Variants in CDKL3 observed in about 807,000 individuals in gnomAD.
The protein encoded by CDKL3 is cyclin dependent kinase like 3.
A neutral mutation model predicts 69.3 loss-of-function variants in CDKL3; 65 were observed. The ratio of observed to expected loss-of-function variants is 0.94; its 90% CI spans 0.77 to 1.15. The LOEUF is 1.15. CDKL3 is among the 50% of genes most tolerant of loss of function. The pLI is 0.00. For synonymous variants in CDKL3, 202 were observed against 221.6 expected, an observed-to-expected ratio of 0.91 and a Z score of 0.79; for missense variants, 652 against 689.2, an observed-to-expected ratio of 0.95 and a Z score of 0.61.
At position 134,350,839 on chromosome 5, in the gene CDKL3, A is replaced by G. The variant is rs1753101132; in HGVS notation, c.361-412T>C. On this transcript the variant is annotated intron_variant, in intron 3 of 12. Transcript: ENST00000265334. ...TAAAAAAAGAAAAAAAAGAAAAAAAAAAAAAGAAAAAAAGAAAGAAAAAAG... is the reference window on the plus strand; with the variant it reads ...TAAAAAAAGAAAAAAAAGAAAAAAAGAAAAAGAAAAAAAGAAAGAAAAAAG... 2.7e-5 allele frequency among the ~76,000 whole-genome samples: 4 copies of G among 149,466 alleles called. No homozygotes were observed. The South Asian group carries it at 6.2e-4, about 23-fold the overall frequency.
rs184263670 is a variant in CDKL3 at position 134,319,808 on chromosome 5, A to G, written c.653-311T>C. Among the ~76,000 whole-genome samples the G allele has an allele frequency of 5.8e-3, 883 of 152,320 alleles. 3 individuals carry two copies. The highest frequency in any genetic ancestry group is 0.031 in the Middle Eastern group (9 of 294). On this transcript the variant is annotated intron_variant, in intron 5 of 12. Coordinates refer to ENST00000265334, the MANE Select transcript of CDKL3 (RefSeq NM_001113575.2). The stretch of plus-strand genomic sequence containing the variant: ...AAAATGCATATTCCAACTTTTACGC[A>G]TTTCCATATGGGTATCCAAATGATT...
chr5:134,359,637 T>C (rs1755514595), intron 3 of CDKL3, among the ~76,000 whole-genome samples: 2 of 152,148 alleles, frequency 1.3e-5, no homozygotes, highest in Admixed American at 1.3e-4. Context: ...TGACTACTGA[T>C]TCTACTAAAC....
chr5:134,357,108 A>G (rs1754795424), intron 3 of CDKL3, among the ~76,000 whole-genome samples: 2 of 152,112 alleles, frequency 1.3e-5, no homozygotes, highest in South Asian at 2.1e-4. Flanking sequence ...TGTATCCCCA[A>G]TATTATTTAG....
At chr5:134,368,356 C>T (rs760310664), upstream of CDKL3, among the ~76,000 whole-genome samples, 7 of 152,198 alleles carry the variant, frequency 4.6e-5, no homozygotes, top group Non-Finnish European at 8.8e-5. Flanking sequence ...CAGTGGCTAA[C>T]GCCTGTAATC....
At chr5:134,300,290 G>A (rs927314252) in intron 12 of CDKL3, among the ~76,000 whole-genome samples, 1 of 152,090 alleles carries the variant, frequency 6.6e-6, no homozygotes, top group Non-Finnish European at 1.5e-5. Flanking sequence ...AGTGAGCTAA[G>A]ATCACACCAC....
intron 4 of CDKL3, among the ~76,000 whole-genome samples, chr5:134,337,321 C>T (rs1246455294): frequency 3.3e-5 from 5 of 152,274 alleles, no homozygotes; most frequent in Admixed American, 2.0e-4. Context: ...GGTGAGGCGA[C>T]GCCCCTCCCT....
At chr5:134,368,238 C>T, upstream of CDKL3, among the ~76,000 whole-genome samples, 1 of 152,038 alleles carries the variant, frequency 6.6e-6, no homozygotes, top group East Asian at 1.9e-4. Flanking sequence ...CAAGTTTTTT[C>T]TATGCTGCTA....
At chr5:134,353,929 T>C (rs1753921809) in intron 3 of CDKL3, among the ~76,000 whole-genome samples, 1 of 152,158 alleles carries the variant, frequency 6.6e-6, no homozygotes, top group South Asian at 2.1e-4. Context: ...TGAAATGGCT[T>C]ATAAGGCCTT....
intron 7 of CDKL3, among the ~76,000 whole-genome samples, chr5:134,310,941 T>G (rs2149451575): frequency 6.6e-6 from 1 of 152,344 alleles, no homozygotes; most frequent in Non-Finnish European, 1.5e-5. Flanking sequence ...TGACCTTAGC[T>G]CCATCACATT....
At chr5:134,316,973 T>C (rs1255954267) in intron 6 of CDKL3, among the ~76,000 whole-genome samples, 1 of 152,134 alleles carries the variant, frequency 6.6e-6, no homozygotes, top group Non-Finnish European at 1.5e-5. Flanking sequence ...TTGTTTACTG[T>C]GTATTTTATA....
At position 134,366,517 on chromosome 5, in the gene CDKL3, T is replaced by C. The variant is rs1040285160; in HGVS notation, c.7A>G (p.Met3Val). Residue 3 changes from methionine (M) to valine (V), a missense_variant, in exon 2 of 13, where the codon ATG becomes GTG. Coordinates refer to ENST00000265334, the MANE Select transcript of CDKL3 (RefSeq NM_001113575.2). ME[M>V]YETLGKVGEG... ...CCCACTTTTCCAAGGGTTTCATACA[T>C]CTCCATTTTCAAGCTGGGCTTTTAC... 1.3e-6 allele frequency: 2 copies of C among 1,596,826 alleles called. No individual in the cohort carries two copies. The highest frequency in any genetic ancestry group is 3.6e-5 in the Admixed American group (2 of 55,784).
At chr5:134,306,331 C>T (rs945109516) in intron 10 of CDKL3, among the ~76,000 whole-genome samples, 3 of 151,914 alleles carry the variant, frequency 2.0e-5, no homozygotes, top group Non-Finnish European at 2.9e-5. Context: ...TTTGTCGCTA[C>T]AAAAAAATGA....
chr5:134,287,895 C>CTTTT (rs5871533), intron 8 of CDKL3, among the ~76,000 whole-genome samples: 2 of 138,156 alleles, frequency 1.4e-5, no homozygotes, highest in Admixed American at 7.3e-5. Flanking sequence ...TGTAACTTTA[C>CTTTT]TTTTTTTTTT....
At chr5:134,345,299 G>C (rs1161742114) in intron 4 of CDKL3, among the ~76,000 whole-genome samples, 1 of 152,110 alleles carries the variant, frequency 6.6e-6, no homozygotes. Flanking sequence ...CAATAATGCT[G>C]TTTTTAATAA....
At chr5:134,341,632 C>T (rs1750521720) in intron 4 of CDKL3, among the ~76,000 whole-genome samples, 1 of 152,366 alleles carries the variant, frequency 6.6e-6, no homozygotes, top group East Asian at 1.9e-4. Context: ...GCTGCAGACA[C>T]AGACACGCAA....
chr5:134,371,399 C>T, upstream of CDKL3: 1 of 728,442 alleles, frequency 1.4e-6, no homozygotes, highest in Non-Finnish European at 2.2e-6. Context: ...AGCACTCACA[C>T]TGTGGTAGCG....
intron 2 of CDKL3, among the ~76,000 whole-genome samples, chr5:134,363,247 T>C (rs1335746005): frequency 1.3e-5 from 2 of 152,164 alleles, no homozygotes; most frequent in Non-Finnish European, 2.9e-5. Flanking sequence ...CACAAAATCA[T>C]AACATCTTTA....
chr5:134,320,312 C>G (rs1417282572), intron 5 of CDKL3, among the ~76,000 whole-genome samples: 3 of 152,178 alleles, frequency 2.0e-5, no homozygotes, highest in Non-Finnish European at 4.4e-5. Context: ...TCCTCATCCA[C>G]AAATAATAAA....
At chr5:134,369,713 G>C (rs959255422), upstream of CDKL3, among the ~76,000 whole-genome samples, 1 of 151,996 alleles carries the variant, frequency 6.6e-6, no homozygotes, top group South Asian at 2.1e-4. Flanking sequence ...TGGGACTATT[G>C]GTGTGCGCCA....
Sources: allele counts gnomAD v4.1 joint callset (sites outside exome capture counted in the v4.1 genomes callset), GRCh38; gene constraint gnomAD v4.1.1; transcripts MANE v1.5; gene names NCBI Gene and HGNC (gene_info 2026-07-23, HGNC 2026-07-21).